ZDHHC11: variants seen among roughly 807,000 people sequenced by gnomAD.
ZDHHC11 encodes the protein zDHHC palmitoyltransferase 11.
Under a neutral mutation model 51.3 loss-of-function variants are expected in ZDHHC11, and 44 were observed. The ratio of observed to expected loss-of-function variants is 0.86; its 90% CI spans 0.67 to 1.10. ZDHHC11 has a LOEUF of 1.10. Ranked by LOEUF, ZDHHC11 falls within the 50% of genes least tolerant of loss-of-function variation. The pLI is 0.00. For synonymous variants in ZDHHC11, 163 were observed against 222.0 expected, an observed-to-expected ratio of 0.73 and a Z score of 2.36; for missense variants, 400 against 537.7, an observed-to-expected ratio of 0.74 and a Z score of 2.53.
intron 4 of ZDHHC11, 45 bp from the exon 5 acceptor site, chr5:840,695 G>C: frequency 1.2e-6 from 2 of 1,610,854 alleles, no homozygotes; most frequent in Non-Finnish European, 1.7e-6. Context: ...CCTGCTGACG[G>C]GTGCCACATC....
intron 9 of ZDHHC11, 128 bp from the exon 10 acceptor site, chr5:819,740 C>A: frequency 1.1e-6 from 1 of 919,156 alleles, no homozygotes; most frequent in East Asian, 2.6e-5. Flanking sequence ...AAACTGGAGA[C>A]CAGCAGCTCC....
chr5:798,121 T>A (rs1450851126), intron 12 of ZDHHC11, among the ~76,000 whole-genome samples: 7 of 149,156 alleles, frequency 4.7e-5, no homozygotes, highest in African/African-American at 1.8e-4. Flanking sequence ...GCCACTGCAA[T>A]GAGGGTACCG....
chr5:839,611 G>C (rs1375101394), intron 5 of ZDHHC11: 1 of 149,984 alleles, frequency 6.7e-6, no homozygotes, highest in Non-Finnish European at 1.5e-5. Flanking sequence ...GTAACCTGTG[G>C]TTATGAACAA....
chr5:854,689 G>A (rs1273902173), upstream of ZDHHC11, among the ~76,000 whole-genome samples: 3 of 150,728 alleles, frequency 2.0e-5, no homozygotes, highest in African/African-American at 7.4e-5. Context: ...TCCCATGGAG[G>A]ACAGCAAGCC....
chr5:836,156 A>T (rs1231340806), intron 6 of ZDHHC11, among the ~76,000 whole-genome samples: 1 of 150,244 alleles, frequency 6.7e-6, no homozygotes, highest in Non-Finnish European at 1.5e-5. Flanking sequence ...TCACCAGTAA[A>T]TGTCACGTCA....
chr5:808,047 A>G (rs1739528159), intron 11 of ZDHHC11, among the ~76,000 whole-genome samples: 1 of 150,460 alleles, frequency 6.6e-6, no homozygotes, highest in Admixed American at 6.6e-5. Flanking sequence ...CACTGGGGTT[A>G]AGGGCCAGAG....
At chr5:816,950 T>C (rs556670114) in intron 10 of ZDHHC11, 20 of 323,718 alleles carry the variant, frequency 6.2e-5, no homozygotes, top group African/African-American at 3.9e-4. Context: ...TGCATGAGCC[T>C]GAAATGTCCA....
chr5:805,540 A>C (rs1292678443), intron 11 of ZDHHC11, among the ~76,000 whole-genome samples: 1 of 151,210 alleles, frequency 6.6e-6, no homozygotes, highest in African/African-American at 2.4e-5. Flanking sequence ...ACAAAAAAGG[A>C]AAGAACAAAG....
At chr5:833,417 C>T (rs1743325169) in intron 7 of ZDHHC11, among the ~76,000 whole-genome samples, 1 of 151,724 alleles carries the variant, frequency 6.6e-6, no homozygotes, top group African/African-American at 2.4e-5. Context: ...CTTACAATGT[C>T]TATGAAACAC....
chr5:835,460 C>T (rs1301738077), intron 6 of ZDHHC11, among the ~76,000 whole-genome samples: 2 of 151,778 alleles, frequency 1.3e-5, no homozygotes, highest in South Asian at 2.1e-4. Context: ...TTATGTCTCT[C>T]TCTCTGTCAG....
rs1330256304 is a variant in ZDHHC11, at chr5:803,072, G to A, written c.1182-1908C>T. On this transcript the variant is annotated intron_variant, in intron 11 of 12. Coordinates refer to ENST00000283441, the MANE Select transcript of ZDHHC11 (RefSeq NM_024786.3). Reference sequence around the variant, plus strand: ...AAGCTGCTGGTCTTTCGTGAATGGTGTACATGAGCCAGCTACCGCCTCGAT... The same window carrying A: ...AAGCTGCTGGTCTTTCGTGAATGGTATACATGAGCCAGCTACCGCCTCGAT... Among the ~76,000 whole-genome samples, 3 of 150,758 alleles carry A rather than the reference G, an allele frequency of 2.0e-5. No homozygotes were observed. In the East Asian group the frequency reaches 5.8e-4, roughly 29 times the overall value.
intron 11 of ZDHHC11, among the ~76,000 whole-genome samples, chr5:810,479 A>G (rs1739942568): frequency 6.6e-6 from 1 of 151,284 alleles, no homozygotes. Flanking sequence ...TTTCCCACAA[A>G]ATAGACCTGT....
rs892528832 is a variant in ZDHHC11 at position 828,053 on chromosome 5, G to C, written c.936-2802C>G. ...ACATGTTTCAGAGAGCACAGGGTTG[G>C]GGGTAAGGTCATAGATCAACAGGAT... On this transcript the variant is annotated intron_variant, in intron 7 of 12. Transcript: ENST00000283441. Among the ~76,000 whole-genome samples, 11 of 151,244 alleles carry C rather than the reference G, an allele frequency of 7.3e-5. 1 individual carries two copies. Among genetic ancestry groups the C allele is most frequent in the Admixed American group, 1.3e-4 (2 of 15,232 alleles).
chr5:818,472 G>A (rs1181109863), intron 10 of ZDHHC11, among the ~76,000 whole-genome samples: 3 of 151,656 alleles, frequency 2.0e-5, no homozygotes, highest in Non-Finnish European at 3.0e-5. Flanking sequence ...CTGAAGTCCT[G>A]GGGAAGTGTG....
intron 11 of ZDHHC11, among the ~76,000 whole-genome samples, chr5:807,943 C>T (rs1205594725): frequency 6.6e-6 from 1 of 151,224 alleles, no homozygotes; most frequent in Non-Finnish European, 1.5e-5. Context: ...CAGGATCAGA[C>T]GCAGGTCCTG....
chr5:833,188 T>C (rs2150365220), intron 7 of ZDHHC11, among the ~76,000 whole-genome samples: 1 of 152,414 alleles, frequency 6.6e-6, no homozygotes, highest in South Asian at 2.1e-4. Context: ...TGAGAAGTCA[T>C]CAGAAAGAGT....
Position 850,399 on chromosome 5 carries a change from C to G in ZDHHC11, c.204G>C (p.Trp68Cys). Residue 68 changes from tryptophan (W) to cysteine (C), a missense_variant, in exon 1 of 13, where the codon TGG becomes TGC. By Grantham distance (215) the Trp-to-Cys change is radical. Around this residue, in one of 5 missense-constraint regions of ZDHHC11, gnomAD observed 119 missense variants for 99.6 expected, o/e 1.20. Coordinates refer to ENST00000283441, the MANE Select transcript of ZDHHC11 (RefSeq NM_024786.3). ...GIFIPFLPHA[W>C]KYIAYVVTGG... ...AGGATACCACGTAGGCAATGTATTT[C>G]CACGCGTGAGGCAGGAAGGGAATGA... is the stretch of plus-strand genomic sequence containing the variant. The G allele has an allele frequency of 6.2e-7, 1 of 1,613,610 alleles. No homozygotes were observed.
upstream of ZDHHC11, among the ~76,000 whole-genome samples, chr5:859,270 G>T (rs1214064421): frequency 2.0e-5 from 3 of 151,972 alleles, no homozygotes; most frequent in Admixed American, 6.6e-5. Context: ...CTGCTTAGCC[G>T]CCCTCACCTG....
intron 4 of ZDHHC11, chr5:841,940 T>C: frequency 1.0e-6 from 1 of 989,660 alleles, no homozygotes; most frequent in Non-Finnish European, 1.2e-6. Flanking sequence ...AACACCACAC[T>C]CAGCCTGACA....
Sources: allele counts gnomAD v4.1 joint callset (sites outside exome capture counted in the v4.1 genomes callset), GRCh38; gene constraint gnomAD v4.1.1; regional missense constraint gnomAD v4.1.1; transcripts MANE v1.5; gene names NCBI Gene and HGNC (gene_info 2026-07-23, HGNC 2026-07-21).